The following SPTBN4 variants were observed in gnomAD, a reference collection of about 807,000 sequenced individuals.
The protein encoded by SPTBN4 is spectrin beta, non-erythrocytic 4.
SPTBN4 carries 96 observed loss-of-function variants against 277.8 expected under a neutral mutation model. The ratio of observed to expected loss-of-function variants is 0.35; its 90% CI spans 0.29 to 0.41. The LOEUF (loss-of-function observed/expected upper bound fraction) is 0.41. Ranked by LOEUF, SPTBN4 falls within the 10% of genes least tolerant of loss-of-function variation. The pLI, the probability that SPTBN4 is intolerant of heterozygous loss-of-function variation, is 1.00. For missense variants in SPTBN4, 3,006 were observed against 3,595.7 expected (o/e 0.84, Z 4.19); for synonymous variants, 1,481 against 1,580.3 (o/e 0.94, Z 1.49).
intron 5 of SPTBN4, 30 bp from the exon 6 acceptor site, chr19:40,494,867 C>T (rs2080178428): frequency 6.2e-7 from 1 of 1,607,366 alleles, no homozygotes; most frequent in Non-Finnish European, 8.5e-7. Flanking sequence ...CTCCCCATCT[C>T]TGCCTCTGTT....
chr19:40,531,660 C>G (rs1432948128), intron 18 of SPTBN4, among the ~76,000 whole-genome samples: 3 of 151,110 alleles, frequency 2.0e-5, no homozygotes, highest in Admixed American at 2.0e-4. Flanking sequence ...CAAAAAGCAG[C>G]CTGTGATTGA....
chr19:40,556,933 G>GA (rs1056115846), intron 25 of SPTBN4, 90 bp from the exon 26 acceptor site: 2,118 of 1,429,426 alleles, frequency 1.5e-3, no homozygotes, highest in South Asian at 2.8e-3. Context: ...GTATCAAAAA[G>GA]AAAAAAAAAC....
In SPTBN4 at chr19:40,512,733, G is replaced by A. The variant is rs1370302486; in HGVS notation, c.1944G>A (p.Ala648=). ...AELEASRSLW[A]LLQELEEAES... Reference sequence around the variant, plus strand: ...TGGAGGCTTCGCGGAGCCTGTGGGCGCTGCTGCAGGAGCTGGAGGAGGCCG... The same window carrying A: ...TGGAGGCTTCGCGGAGCCTGTGGGCACTGCTGCAGGAGCTGGAGGAGGCCG... The change falls in exon 14 of 36, where the codon GCG becomes GCA. Residue 648 remains alanine (A), a synonymous_variant. Transcript: ENST00000598249. The A allele has an allele frequency of 2.0e-6, 3 of 1,523,024 alleles. No individual in the cohort carries two copies. The South Asian group carries it at 3.6e-5, about 18-fold the overall frequency. The allele number at this position is 1,523,024 out of a possible 1,614,324, so 94.3% of individuals were successfully genotyped here.
intron 17 of SPTBN4, among the ~76,000 whole-genome samples, 187 bp downstream of exon 17, chr19:40,523,826 C>T (rs568644789): frequency 2.4e-4 from 37 of 151,584 alleles, no homozygotes; most frequent in Non-Finnish European, 1.2e-4. Context: ...TTTTTTGAGA[C>T]GGGGTCTCAC....
At chr19:40,467,709 G>A (rs2079842599) in intron 1 of SPTBN4, among the ~76,000 whole-genome samples, 1 of 150,026 alleles carries the variant, frequency 6.7e-6, no homozygotes, top group Admixed American at 6.8e-5. Context: ...CCATTCAATC[G>A]CGTTATGGCC....
intron 5 of SPTBN4, among the ~76,000 whole-genome samples, chr19:40,494,078 C>T (rs1034860701): frequency 6.6e-6 from 1 of 151,620 alleles, no homozygotes; most frequent in Admixed American, 6.6e-5. Flanking sequence ...GCCCCCAACT[C>T]TCTGCCCTGC....
intron 32 of SPTBN4, 105 bp from the exon 33 acceptor site, chr19:40,570,331 A>G (rs2081141750): frequency 3.1e-6 from 2 of 639,668 alleles, no homozygotes; most frequent in Admixed American, 7.8e-5. Flanking sequence ...TCCGAGACAA[A>G]TGGCCCTGTA....
In SPTBN4 at chr19:40,515,982, C is replaced by CGTATATATACACACATATAT. The variant is rs2080453174; in HGVS notation, c.2903+547_2903+548insCATATATGTATATATACACA. Among the ~76,000 whole-genome samples, 1 of 145,112 alleles carries CGTATATATACACACATATAT rather than the reference C, an allele frequency of 6.9e-6. No homozygotes were observed. The highest frequency in any genetic ancestry group is 1.5e-5 in the Non-Finnish European group (1 of 66,646). On this transcript the variant is annotated intron_variant, in intron 15 of 35. Transcript: ENST00000598249. This position sits in a 1 kb window ranked among gnomAD's most constrained non-coding sequence, Gnocchi z 4.1. ...ATATACGTATATATACACATATATA[C>CGTATATATACACACATATAT]GTATATATACACATATATACGTATA... is the stretch of plus-strand genomic sequence containing the variant.
chr19:40,495,090 C>A, intron 6 of SPTBN4, 113 bp downstream of exon 6: 1 of 930,040 alleles, frequency 1.1e-6, no homozygotes, highest in African/African-American at 1.6e-5. Flanking sequence ...AAAGACCCAT[C>A]CCTTCACCTC....
Position 40,575,626 on chromosome 19 carries a change from A to C in SPTBN4, c.*57A>C, listed in dbSNP as rs1042751946. The stretch of plus-strand genomic sequence containing the variant: ...CTCCCCTCTTTTCCGCACTGTGGGC[A>C]CAAAGACACTTTTTCTTCCGCAGGG... On this transcript the variant is annotated 3_prime_UTR_variant, in exon 36 of 36. Coordinates refer to ENST00000598249, the MANE Select transcript of SPTBN4 (RefSeq NM_020971.3). 1.9e-5 allele frequency: 30 copies of C among 1,538,644 alleles called. No homozygotes were observed. The highest frequency in any genetic ancestry group is 2.6e-5 in the Non-Finnish European group (30 of 1,141,426).
At chr19:40,572,608 C>T in intron 35 of SPTBN4, 2 of 574,860 alleles carry the variant, frequency 3.5e-6, no homozygotes, top group Non-Finnish European at 6.2e-6. Flanking sequence ...TGACAAAGTC[C>T]AACATCTTTG....
chr19:40,570,538 C>A lies in SPTBN4; in HGVS notation c.7129C>A (p.Arg2377=). The change falls in exon 33 of 36, where the codon CGG becomes AGG. Residue 2377 remains arginine, a synonymous_variant. Transcript: ENST00000598249. The part of the protein sequence containing the change: ...PRPDRPRARD[R]PKPRRRPRPR... ...GCCGGACCGGCCCCGGGCGCGGGACCGGCCCAAGCCGCGACGGCGGCCGCG... is the reference window on the plus strand; with the variant it reads ...GCCGGACCGGCCCCGGGCGCGGGACAGGCCCAAGCCGCGACGGCGGCCGCG... 1 of 1,356,780 alleles carries A rather than the reference C, an allele frequency of 7.4e-7. No homozygotes were observed. Among genetic ancestry groups the A allele is most frequent in the Non-Finnish European group, 9.4e-7 (1 of 1,060,568 alleles). The allele number at this position is 1,356,780 out of a possible 1,614,324, so 84.0% of individuals were successfully genotyped here.
Position 40,487,761 on chromosome 19 carries a change from G to C in SPTBN4, c.234G>C (p.Val78=), listed in dbSNP as rs533707879. The change falls in exon 3 of 36, where the codon GTG becomes GTC. Residue 78 remains valine, a synonymous_variant. Transcript: ENST00000598249. ...TKWVNSHLAR[V]GCHIGDLYVD... ...GGGTGAACTCGCACCTCGCCCGCGT[G>C]GGCTGCCACATCGGGGACCTCTATG... 1 of 1,613,676 alleles carries C rather than the reference G, an allele frequency of 6.2e-7. No individual in the cohort carries two copies. The highest frequency in any genetic ancestry group is 1.3e-5 in the African/African-American group (1 of 75,030).
At position 40,507,691 on chromosome 19, in the gene SPTBN4, C is replaced by T. The variant is rs192652323; in HGVS notation, c.1816+1305C>T. ...CTTCTAAAAATACAAAAAAATTAGCCGGACATAGTGGTGCACACCTGTAAT... is the reference window on the plus strand; with the variant it reads ...CTTCTAAAAATACAAAAAAATTAGCTGGACATAGTGGTGCACACCTGTAAT... On this transcript the variant is annotated intron_variant, in intron 13 of 35. Transcript: ENST00000598249. Among the ~76,000 whole-genome samples the T allele has an allele frequency of 3.7e-3, 563 of 152,104 alleles. 4 individuals are homozygous for T. The highest frequency in any genetic ancestry group is 0.012 in the African/African-American group (493 of 41,482).
intron 2 of SPTBN4, among the ~76,000 whole-genome samples, chr19:40,479,213 T>C (rs1472214063): frequency 6.6e-6 from 1 of 152,092 alleles, no homozygotes; most frequent in Admixed American, 6.6e-5. Context: ...ATCCTAGCAC[T>C]GAGGCTGAGA....
rs1304299694 is a variant in SPTBN4 at position 40,549,391 on chromosome 19, C to T, written c.4562C>T (p.Ala1521Val). ...GCTTCCAAGGAGTTGCACCAGGTGG[C>T]GCACGACCTGGACGACGAGCTGGTG... ...LLASKELHQV[A>V]HDLDDELAWV... is the part of the protein sequence containing the mutation. The change falls in exon 21 of 36, where the codon GCG becomes GTG. Residue 1521 changes from alanine to valine, a missense_variant. Coordinates refer to ENST00000598249, the MANE Select transcript of SPTBN4 (RefSeq NM_020971.3). The T allele has an allele frequency of 1.3e-6, 2 of 1,511,586 alleles. No homozygotes were observed. The highest frequency in any genetic ancestry group is 4.1e-5 in the Admixed American group (2 of 49,096). The allele number at this position is 1,511,586 out of a possible 1,614,324, so 93.6% of individuals were successfully genotyped here. A position where few individuals can be genotyped will look rare whatever the true frequency, so the allele number is the denominator to read the frequency against.
chr19:40,476,739 C>T (rs1028580630), intron 2 of SPTBN4, among the ~76,000 whole-genome samples: 2 of 152,078 alleles, frequency 1.3e-5, no homozygotes, highest in African/African-American at 4.8e-5. Flanking sequence ...AGGCGCCTGC[C>T]ACCATGCCCC....
intron 35 of SPTBN4, chr19:40,572,589 A>G (rs2081165281): frequency 3.4e-6 from 2 of 593,024 alleles, no homozygotes; most frequent in South Asian, 4.2e-5. Flanking sequence ...GGCTGCCTGC[A>G]GATCCTGATG....
intron 13 of SPTBN4, 93 bp downstream of exon 13, chr19:40,506,479 T>A: frequency 6.8e-7 from 1 of 1,476,192 alleles, no homozygotes; most frequent in South Asian, 1.4e-5. Context: ...AAGGAAAGAG[T>A]GAGCTCCTTG....
Sources: allele counts gnomAD v4.1 joint callset (sites outside exome capture counted in the v4.1 genomes callset), GRCh38; gene constraint gnomAD v4.1.1; non-coding constraint Gnocchi (gnomAD v3.1); transcripts MANE v1.5; gene names NCBI Gene and HGNC (gene_info 2026-07-23, HGNC 2026-07-21).